The following COLGALT2 variants were observed in gnomAD, a reference collection of about 807,000 sequenced individuals.
The protein encoded by COLGALT2 is procollagen galactosyltransferase 2.
A neutral mutation model predicts 73.4 loss-of-function variants in COLGALT2; 49 were observed. The ratio of observed to expected loss-of-function variants is 0.67; its 90% CI spans 0.53 to 0.85. The LOEUF (loss-of-function observed/expected upper bound fraction) is 0.85. Among genes scored for constraint, COLGALT2 ranks in the 40% least tolerant of loss-of-function variants. The pLI, the probability that COLGALT2 is intolerant of heterozygous loss-of-function variation, is 0.00. For missense variants in COLGALT2, 722 were observed against 790.2 expected (o/e 0.91, Z 1.03); for synonymous variants, 295 against 307.6 (o/e 0.96, Z 0.43).
At chr1:183,993,883 T>G (rs1025003331) in intron 1 of COLGALT2, among the ~76,000 whole-genome samples, 4 of 152,160 alleles carry the variant, frequency 2.6e-5, no homozygotes, top group Admixed American at 2.0e-4. Context: ...GACCCAAGTT[T>G]CTTCAGCAGA....
intron 1 of COLGALT2, among the ~76,000 whole-genome samples, chr1:184,003,401 C>G (rs1232198347): frequency 2.6e-5 from 4 of 152,138 alleles, no homozygotes; most frequent in African/African-American, 9.7e-5. Context: ...ACCATGTGCT[C>G]TACTACCGAG....
At chr1:183,953,260 C>G (rs1670448827) in intron 7 of COLGALT2, among the ~76,000 whole-genome samples, 1 of 152,154 alleles carries the variant, frequency 6.6e-6, no homozygotes, top group Admixed American at 6.5e-5. Flanking sequence ...TGAAAAGCCC[C>G]TGAAAAGCCC....
At chr1:183,943,541 G>C (rs1202101538) in intron 10 of COLGALT2, among the ~76,000 whole-genome samples, 1 of 151,808 alleles carries the variant, frequency 6.6e-6, no homozygotes, top group Non-Finnish European at 1.5e-5. Flanking sequence ...TGAAAGGGAA[G>C]GGAAGAAAAA....
In COLGALT2 at chr1:183,963,981, T is replaced by C. The variant is rs141537756; in HGVS notation, c.872A>G (p.Tyr291Cys). 1.8e-4 allele frequency: 288 copies of C among 1,613,436 alleles called. No homozygotes were observed. Among genetic ancestry groups the C allele is most frequent in the Non-Finnish European group, 2.3e-4 (274 of 1,179,728 alleles). Residue 291 changes from tyrosine (Y) to cysteine (C), a missense_variant, in exon 6 of 12, where the codon TAC becomes TGC. By Grantham distance (194) the Tyr-to-Cys change is radical. Coordinates refer to ENST00000361927, the MANE Select transcript of COLGALT2 (RefSeq NM_015101.4). ...ATGGGGCTTCAGGGGGATGGGCAGGTAGCCATAGTGCTCTCTGTTGCAGAG... is the reference window on the plus strand; with the variant it reads ...ATGGGGCTTCAGGGGGATGGGCAGGCAGCCATAGTGCTCTCTGTTGCAGAG... ...MYLCNREHYG[Y>C]LPIPLKPHQT...
At chr1:183,955,748 A>T (rs546344812) in intron 6 of COLGALT2, among the ~76,000 whole-genome samples, 30 of 152,324 alleles carry the variant, frequency 2.0e-4, no homozygotes, top group South Asian at 4.1e-4. Flanking sequence ...CCTTAAAGGG[A>T]TAATACAAAG....
intron 1 of COLGALT2, among the ~76,000 whole-genome samples, chr1:183,986,237 G>T (rs1671486332): frequency 6.6e-6 from 1 of 152,122 alleles, no homozygotes; most frequent in South Asian, 2.1e-4. Context: ...TATGGATTGG[G>T]GGTCTGGGGA....
chr1:183,994,706 T>C (rs986379279), intron 1 of COLGALT2, among the ~76,000 whole-genome samples: 2 of 151,856 alleles, frequency 1.3e-5, no homozygotes, highest in African/African-American at 4.8e-5. Context: ...CCGCCCGCCT[T>C]GGCCTCCCAA....
chr1:183,994,232 G>T (rs1386532197), intron 1 of COLGALT2, among the ~76,000 whole-genome samples: 1 of 151,392 alleles, frequency 6.6e-6, no homozygotes, highest in African/African-American at 2.4e-5. Context: ...TAGAGACAGG[G>T]TTTCACCGTG....
chr1:183,995,227 A>G (rs1671739563), intron 1 of COLGALT2, among the ~76,000 whole-genome samples: 1 of 152,240 alleles, frequency 6.6e-6, no homozygotes, highest in South Asian at 2.1e-4. Flanking sequence ...TAAGTGCTAT[A>G]ATCCAATAAA....
intron 1 of COLGALT2, among the ~76,000 whole-genome samples, chr1:184,023,576 A>G (rs146647277): frequency 2.1e-5 from 3 of 145,968 alleles, no homozygotes; most frequent in African/African-American, 7.5e-5. Flanking sequence ...ACAAACACAC[A>G]TATCGTTTCC....
At chr1:183,932,222 T>C (rs1315511410), downstream of COLGALT2, among the ~76,000 whole-genome samples, 1 of 152,172 alleles carries the variant, frequency 6.6e-6, no homozygotes, top group East Asian at 1.9e-4. Context: ...TTTGGTGAGA[T>C]CTGACTGCCT....
At chr1:184,011,462 C>T (rs1328716486) in intron 1 of COLGALT2, among the ~76,000 whole-genome samples, 1 of 152,228 alleles carries the variant, frequency 6.6e-6, no homozygotes, top group African/African-American at 2.4e-5. Context: ...ACCTTCCAAT[C>T]TGTCTGCTGA....
At chr1:184,008,120 G>A (rs1398123842) in intron 1 of COLGALT2, among the ~76,000 whole-genome samples, 1 of 152,158 alleles carries the variant, frequency 6.6e-6, no homozygotes. Context: ...GGGGCAAACA[G>A]ACGTCAACCT....
chr1:183,936,003 C>A lies in COLGALT2; in HGVS notation c.*2758G>T. 2.0e-6 allele frequency: 2 copies of A among 983,832 alleles called. No individual in the cohort carries two copies. Among genetic ancestry groups the A allele is most frequent in the Non-Finnish European group, 2.4e-6 (2 of 828,966 alleles). The allele number at this position is 983,832 out of a possible 1,614,324, so 60.9% of individuals were successfully genotyped here. On this transcript the variant is annotated 3_prime_UTR_variant, in exon 12 of 12. Transcript: ENST00000361927. ...AGGCCTGAATGAACCGCAAGCGGGG[C>A]CCATGCAGCGTGTCCTCTGCAAAGT...
downstream of COLGALT2, among the ~76,000 whole-genome samples, chr1:183,933,274 G>A (rs924319298): frequency 6.6e-6 from 1 of 152,054 alleles, no homozygotes; most frequent in Non-Finnish European, 1.5e-5. Context: ...CCCACTCCTT[G>A]CACTTCTCTC....
intron 1 of COLGALT2, among the ~76,000 whole-genome samples, 177 bp downstream of exon 1, chr1:184,036,918 C>G (rs534353544): frequency 1.3e-4 from 20 of 152,268 alleles, no homozygotes; most frequent in African/African-American, 4.6e-4. Flanking sequence ...AGCCTGACCG[C>G]CCGATCCGCC....
chr1:183,948,629 C>G (rs576443798), intron 8 of COLGALT2, among the ~76,000 whole-genome samples: 1 of 152,178 alleles, frequency 6.6e-6, no homozygotes, highest in Non-Finnish European at 1.5e-5. Context: ...TTAGCAGTGA[C>G]GGACTGAATG....
At chr1:183,976,421 A>G (rs964517940) in intron 2 of COLGALT2, among the ~76,000 whole-genome samples, 1 of 150,452 alleles carries the variant, frequency 6.6e-6, no homozygotes, top group African/African-American at 2.4e-5. Context: ...TAGAAAGACT[A>G]GAAGAACAGA....
At chr1:183,985,569 G>A (rs1446773947) in intron 1 of COLGALT2, among the ~76,000 whole-genome samples, 1 of 152,138 alleles carries the variant, frequency 6.6e-6, no homozygotes, top group Non-Finnish European at 1.5e-5. Flanking sequence ...CACCGCACCC[G>A]GCCAGGACAC....
Sources: allele counts gnomAD v4.1 joint callset (sites outside exome capture counted in the v4.1 genomes callset), GRCh38; gene constraint gnomAD v4.1.1; transcripts MANE v1.5; gene names NCBI Gene and HGNC (gene_info 2026-07-23, HGNC 2026-07-21).